Variants in LPP observed in about 807,000 individuals in gnomAD.
The protein encoded by LPP is LIM domain containing preferred translocation partner in lipoma.
A neutral mutation model predicts 60.4 loss-of-function variants in LPP; 38 were observed. That is an observed-to-expected ratio of 0.63 (90% CI 0.49 to 0.83). LPP has a LOEUF of 0.83. LPP is among the 40% of genes least tolerant of loss of function. The pLI is 0.00. For missense variants in LPP, 902 were observed against 783.6 expected, an observed-to-expected ratio of 1.15 and a Z score of -1.80; for synonymous variants, 328 against 290.8, an observed-to-expected ratio of 1.13 and a Z score of -1.30.
chr3:188,379,681 A>G (rs1454838707), intron 3 of LPP, among the ~76,000 whole-genome samples: 2 of 152,236 alleles, frequency 1.3e-5, no homozygotes. Flanking sequence ...TATAAACATC[A>G]TACAACATCA....
chr3:188,221,740 G>A lies in LPP; in HGVS notation c.-189-3665G>A, dbSNP rs565855543. ...TTTCACTTAAGAATATAATAGCAAG[G>A]TAGAATTCAGGAAAGATTTACTTGC... On this transcript the variant is annotated intron_variant, in intron 1 of 11. Transcript: ENST00000617246. Among the ~76,000 whole-genome samples, 5 of 152,266 alleles carry A rather than the reference G, an allele frequency of 3.3e-5. No individual in the cohort carries two copies. In the South Asian group the frequency reaches 1.0e-3, roughly 32 times the overall value.
intron 6 of LPP, among the ~76,000 whole-genome samples, chr3:188,546,509 A>C (rs76504452): frequency 0.012 from 1,868 of 152,254 alleles, 37 homozygotes; most frequent in African/African-American, 0.042. Context: ...AAAAGAAGCA[A>C]CGTAACATTT....
chr3:188,478,264 A>T (rs1029947039), intron 4 of LPP, among the ~76,000 whole-genome samples: 1 of 152,202 alleles, frequency 6.6e-6, no homozygotes, highest in Non-Finnish European at 1.5e-5. Context: ...CATTGTACTA[A>T]TCACTTGCAC....
At chr3:188,306,830 A>G (rs1332592017) in intron 2 of LPP, among the ~76,000 whole-genome samples, 2 of 152,226 alleles carry the variant, frequency 1.3e-5, no homozygotes, top group Non-Finnish European at 2.9e-5. Context: ...TCATTCAAGT[A>G]TTTTTAAAGC....
intron 10 of LPP, among the ~76,000 whole-genome samples, chr3:188,867,058 G>T (rs543543245): frequency 6.6e-6 from 1 of 152,052 alleles, no homozygotes; most frequent in African/African-American, 2.4e-5. Flanking sequence ...TTAAAAAATG[G>T]TGCCTCAAGA....
chr3:188,196,252 C>T (rs1344749476), intron 1 of LPP, among the ~76,000 whole-genome samples: 3 of 152,226 alleles, frequency 2.0e-5, no homozygotes, highest in African/African-American at 7.2e-5. Flanking sequence ...CAGTTTGGAA[C>T]TCCTGAACTT....
At chr3:188,557,410 T>C (rs1829731971) in intron 6 of LPP, among the ~76,000 whole-genome samples, 1 of 152,068 alleles carries the variant, frequency 6.6e-6, no homozygotes, top group Non-Finnish European at 1.5e-5. Flanking sequence ...TGGTATATTT[T>C]AGGAACTGTG....
At chr3:188,514,847 T>C (rs1816872913) in intron 5 of LPP, among the ~76,000 whole-genome samples, 1 of 152,204 alleles carries the variant, frequency 6.6e-6, no homozygotes, top group African/African-American at 2.4e-5. Context: ...CCAGCCTATT[T>C]ATGGACCCTT....
rs146294832 is a variant in LPP at position 188,510,524 on chromosome 3, G to T, written c.307-14141G>T. Among the ~76,000 whole-genome samples the T allele has an allele frequency of 4.5e-3, 678 of 152,194 alleles. 4 individuals carry two copies. The highest frequency in any genetic ancestry group is 0.015 in the African/African-American group (629 of 41,508). On this transcript the variant is annotated intron_variant, in intron 5 of 11. Transcript: ENST00000617246. ...TATGTGTGATTCATACCATGTGTTTGTTCCCACATCAACACTAAGTCCCAA... is the reference window on the plus strand; with the variant it reads ...TATGTGTGATTCATACCATGTGTTTTTTCCCACATCAACACTAAGTCCCAA...
intron 7 of LPP, among the ~76,000 whole-genome samples, chr3:188,701,824 G>A (rs1864471237): frequency 6.6e-6 from 1 of 151,042 alleles, no homozygotes; most frequent in Admixed American, 6.6e-5. Context: ...TCAGAAGCAT[G>A]ACTTTCATAA....
chr3:188,477,714 G>A (rs1407491691), intron 4 of LPP, among the ~76,000 whole-genome samples: 1 of 152,162 alleles, frequency 6.6e-6, no homozygotes, highest in Non-Finnish European at 1.5e-5. Context: ...TTAAGAATTT[G>A]TATAATGGAG....
rs147890881 is a variant in LPP, at chr3:188,388,826, C to G, written c.-9-17286C>G. On this transcript the variant is annotated intron_variant, in intron 3 of 11. Transcript: ENST00000617246. The stretch of plus-strand genomic sequence containing the variant: ...GTCCTCAAACTTTTTCTGTAAAGGG[C>G]CAAGTAGTAAATATTTTAGGCTTTG... 4.4e-3 allele frequency among the ~76,000 whole-genome samples: 670 copies of G among 152,236 alleles called. 9 individuals are homozygous for G. Among genetic ancestry groups the G allele is most frequent in the African/African-American group, 0.015 (617 of 41,532 alleles).
At chr3:188,469,411 C>T (rs1386492735) in intron 4 of LPP, among the ~76,000 whole-genome samples, 1 of 151,940 alleles carries the variant, frequency 6.6e-6, no homozygotes, top group East Asian at 1.9e-4. Flanking sequence ...ACAAAACTAC[C>T]CTCTTTGATT....
chr3:188,426,257 C>T (rs115133111), intron 4 of LPP, among the ~76,000 whole-genome samples: 1,599 of 152,136 alleles, frequency 0.011, 31 homozygotes, highest in African/African-American at 0.036. Flanking sequence ...TGCAGTTGTT[C>T]GGTTTTGAGT....
chr3:188,384,725 G>A (rs1251671406), intron 3 of LPP, among the ~76,000 whole-genome samples: 1 of 149,218 alleles, frequency 6.7e-6, no homozygotes, highest in South Asian at 2.1e-4. Flanking sequence ...CGAAGTCGGA[G>A]GTTGCAGTGA....
chr3:188,795,002 G>T (rs1222738295), intron 9 of LPP, among the ~76,000 whole-genome samples: 3 of 152,152 alleles, frequency 2.0e-5, no homozygotes, highest in African/African-American at 7.2e-5. Context: ...GGACGTTGTG[G>T]TGTGTGCCTG....
At chr3:188,718,112 G>A (rs1329015584) in intron 8 of LPP, among the ~76,000 whole-genome samples, 1 of 152,178 alleles carries the variant, frequency 6.6e-6, no homozygotes, top group Admixed American at 6.5e-5. Context: ...GTGAGCCACT[G>A]CACCCGGCCT....
At chr3:188,778,216 C>T (rs1030139252) in intron 9 of LPP, among the ~76,000 whole-genome samples, 6 of 152,094 alleles carry the variant, frequency 3.9e-5, no homozygotes, top group Admixed American at 2.0e-4. Flanking sequence ...AAATTTTTTT[C>T]TCATATGAAG....
intron 2 of LPP, among the ~76,000 whole-genome samples, chr3:188,243,003 C>G (rs1285039604): frequency 6.6e-6 from 1 of 152,226 alleles, no homozygotes; most frequent in African/African-American, 2.4e-5. Flanking sequence ...AAGATACTTG[C>G]TATATTGTTT....
Sources: gnomAD v4.1 joint callset for allele counts (sites outside exome capture counted in the v4.1 genomes callset) on GRCh38, gnomAD v4.1.1 for gene constraint, MANE v1.5 for transcripts, NCBI Gene and HGNC (gene_info 2026-07-23, HGNC 2026-07-21) for gene names.